The following ERG variants were observed in gnomAD, a reference collection of about 807,000 sequenced individuals.
ERG encodes transcriptional regulator ERG.
A neutral mutation model predicts 55.3 loss-of-function variants in ERG; 9 were observed. The observed-to-expected ratio is 0.16, with a 90% confidence interval of 0.10 to 0.28. ERG has a LOEUF of 0.28. ERG is among the 10% of genes least tolerant of loss of function. ERG has a pLI of 1.00. For synonymous variants in ERG, 223 were observed against 237.3 expected (o/e 0.94, Z 0.55); for missense variants, 434 against 631.6 (o/e 0.69, Z 3.35).
chr21:38,382,783 A>C lies in ERG; in HGVS notation c.*620T>G. The C allele has an allele frequency of 9.4e-7, 1 of 1,066,110 alleles. No individual in the cohort carries two copies. The highest frequency in any genetic ancestry group is 1.1e-6 in the Non-Finnish European group (1 of 879,546). The allele number at this position is 1,066,110 out of a possible 1,614,324, so 66.0% of individuals were successfully genotyped here. On this transcript the variant is annotated 3_prime_UTR_variant, in exon 10 of 10. Transcript: ENST00000288319. The stretch of plus-strand genomic sequence containing the variant: ...GTTCATAGTCCCGGTAATACTGTAA[A>C]GGAGTTGGAAACTTTGGGTCATCTT...
At chr21:38,581,360 G>A (rs563686144) in intron 1 of ERG, among the ~76,000 whole-genome samples, 1 of 152,312 alleles carries the variant, frequency 6.6e-6, no homozygotes, top group African/African-American at 2.4e-5. Flanking sequence ...TGCACAATGA[G>A]GATAATATTA....
chr21:38,528,433 C>CTT (rs869069278), intron 2 of ERG, among the ~76,000 whole-genome samples: 1,022 of 23,456 alleles, frequency 0.044, 406 homozygotes, highest in East Asian at 0.083. Flanking sequence ...CCATAGCAAA[C>CTT]TTTTTTTTTT....
intron 3 of ERG, among the ~76,000 whole-genome samples, chr21:38,416,708 A>G (rs959708024): frequency 6.6e-6 from 1 of 152,260 alleles, no homozygotes; most frequent in African/African-American, 2.4e-5. Flanking sequence ...GAAACAAAAT[A>G]AAGTATGATA....
intron 1 of ERG, among the ~76,000 whole-genome samples, chr21:38,595,780 G>A (rs1367936889): frequency 6.6e-6 from 1 of 152,172 alleles, no homozygotes; most frequent in African/African-American, 2.4e-5. Context: ...ACCCTTCCTG[G>A]AGGGCAGAAC....
chr21:38,380,466 C>G lies in ERG; in HGVS notation c.*2937G>C. ...TTTACCACATACAAGGCCCGAAAGC[C>G]AATTGAAGACAAGAAAAGAAGACAA... is the stretch of plus-strand genomic sequence containing the variant. On this transcript the variant is annotated 3_prime_UTR_variant, in exon 10 of 10. Coordinates refer to ENST00000288319, the MANE Select transcript of ERG (RefSeq NM_182918.4). The G allele has an allele frequency of 9.4e-7, 1 of 1,064,744 alleles. No individual in the cohort carries two copies. Among genetic ancestry groups the G allele is most frequent in the Non-Finnish European group, 1.1e-6 (1 of 878,988 alleles). 66.0% of individuals were successfully genotyped at this position (1,064,744 alleles called of 1,614,324 possible).
intron 3 of ERG, among the ~76,000 whole-genome samples, chr21:38,419,134 C>T (rs917753934): frequency 5.3e-5 from 8 of 151,970 alleles, no homozygotes; most frequent in African/African-American, 1.9e-4. Context: ...GAGAGATCCT[C>T]CTAGATTTAC....
At chr21:38,629,130 G>A (rs1324327060) in intron 1 of ERG, among the ~76,000 whole-genome samples, 2 of 152,216 alleles carry the variant, frequency 1.3e-5, no homozygotes, top group East Asian at 3.9e-4. Context: ...CCAGCTGCCT[G>A]CTTGCAGAGT....
chr21:38,514,641 T>C (rs1411191329), intron 2 of ERG, among the ~76,000 whole-genome samples: 2 of 151,912 alleles, frequency 1.3e-5, no homozygotes, highest in African/African-American at 4.8e-5. Context: ...AAACCACACA[T>C]TTTCATGTCA....
intron 3 of ERG, among the ~76,000 whole-genome samples, chr21:38,412,815 C>T (rs1989118876): frequency 6.6e-6 from 1 of 152,132 alleles, no homozygotes; most frequent in Non-Finnish European, 1.5e-5. Context: ...CTCTCTTCAG[C>T]TATTTTTTTG....
intron 3 of ERG, among the ~76,000 whole-genome samples, chr21:38,418,788 G>T (rs527956248): frequency 1.3e-5 from 2 of 151,692 alleles, no homozygotes; most frequent in African/African-American, 4.8e-5. Flanking sequence ...TTAGCCTGGC[G>T]TGGTGGCGGG....
upstream of ERG, among the ~76,000 whole-genome samples, chr21:38,501,961 A>C (rs1275585690): frequency 6.6e-6 from 1 of 152,230 alleles, no homozygotes; most frequent in Non-Finnish European, 1.5e-5. Flanking sequence ...CCCATTTTCT[A>C]AAGATCGAAC....
At chr21:38,627,890 C>A (rs1458558236) in intron 1 of ERG, among the ~76,000 whole-genome samples, 1 of 150,518 alleles carries the variant, frequency 6.6e-6, no homozygotes, top group African/African-American at 2.4e-5. Flanking sequence ...ATATACAAAA[C>A]AAAATAATAA....
chr21:38,514,097 T>C (rs2059534018), intron 2 of ERG, among the ~76,000 whole-genome samples: 1 of 151,776 alleles, frequency 6.6e-6, no homozygotes, highest in South Asian at 2.1e-4. Context: ...CCTGAACTCC[T>C]ATAATTATTA....
chr21:38,588,269 C>T (rs984116093), upstream of ERG, among the ~76,000 whole-genome samples: 19 of 152,190 alleles, frequency 1.2e-4, no homozygotes, highest in Admixed American at 6.5e-5. Context: ...GGTCCAGCAA[C>T]GGCAGAAAGC....
chr21:38,561,281 C>A (rs2059891232), intron 2 of ERG, among the ~76,000 whole-genome samples: 1 of 152,040 alleles, frequency 6.6e-6, no homozygotes, highest in African/African-American at 2.4e-5. Context: ...GTTTTCTTTC[C>A]TGATGTCTTT....
At chr21:38,640,654 T>C (rs1037454556) in intron 1 of ERG, among the ~76,000 whole-genome samples, 4 of 152,228 alleles carry the variant, frequency 2.6e-5, no homozygotes, top group Non-Finnish European at 5.9e-5. Flanking sequence ...CTGCCATGAT[T>C]GTGAGGCCTC....
intron 1 of ERG, among the ~76,000 whole-genome samples, chr21:38,643,340 G>A (rs1180842658): frequency 6.6e-6 from 1 of 152,064 alleles, no homozygotes; most frequent in Admixed American, 6.6e-5. Context: ...TGAAGCAGGG[G>A]AACAAAAACG....
intron 3 of ERG, among the ~76,000 whole-genome samples, chr21:38,418,481 C>T (rs896553292): frequency 1.3e-5 from 2 of 152,038 alleles, no homozygotes; most frequent in Non-Finnish European, 2.9e-5. Flanking sequence ...AAATGGGGTC[C>T]CACTATGTTG....
At chr21:38,537,132 T>G (rs760754646) in intron 2 of ERG, among the ~76,000 whole-genome samples, 5 of 152,124 alleles carry the variant, frequency 3.3e-5, no homozygotes, top group Non-Finnish European at 5.9e-5. Context: ...TCTTACCTTA[T>G]ACTATATACA....
Sources: gnomAD v4.1 joint callset for allele counts (sites outside exome capture counted in the v4.1 genomes callset) on GRCh38, gnomAD v4.1.1 for gene constraint, MANE v1.5 for transcripts, NCBI Gene and HGNC (gene_info 2026-07-23, HGNC 2026-07-21) for gene names.